Variants in ATAD1 observed in about 807,000 individuals in gnomAD.
ATAD1 encodes the protein outer mitochondrial transmembrane helix translocase.
ATAD1 carries 18 observed loss-of-function variants against 42.7 expected under a neutral mutation model. That is an observed-to-expected ratio of 0.42 (90% CI 0.29 to 0.63). The LOEUF is 0.63. Among genes scored for constraint, ATAD1 ranks in the 20% least tolerant of loss-of-function variants. The pLI is 0.19. For synonymous variants in ATAD1, 132 were observed against 143.1 expected (o/e 0.92, Z 0.55); for missense variants, 294 against 440.4 (o/e 0.67, Z 2.98).
chr10:87,786,517 C>T (rs906231482), intron 4 of ATAD1, among the ~76,000 whole-genome samples: 2 of 151,914 alleles, frequency 1.3e-5, no homozygotes, highest in Non-Finnish European at 2.9e-5. Flanking sequence ...GTCTGGAGTG[C>T]CTAAAGATTC....
intron 8 of ATAD1, among the ~76,000 whole-genome samples, chr10:87,765,768 G>A (rs553451495): frequency 3.5e-4 from 53 of 152,246 alleles, no homozygotes; most frequent in Non-Finnish European, 7.1e-4. Context: ...GGTGGTTCAT[G>A]CCTATAATTC....
Position 87,752,187 on chromosome 10 carries a change from T to C in ATAD1, c.*2500A>G, listed in dbSNP as rs1309249283. On this transcript the variant is annotated 3_prime_UTR_variant, in exon 10 of 10. Coordinates refer to ENST00000680024, the MANE Select transcript of ATAD1 (RefSeq NM_001321967.2). ...ATTCAAATACTTCATTTCTAAACTC[T>C]ACAAAAAAGGCCTGAGAATAGCTTG... The C allele has an allele frequency of 8.1e-6, 1 of 123,196 alleles. No individual in the cohort carries two copies. The allele number at this position is 123,196 out of a possible 1,614,324, so 7.6% of individuals were successfully genotyped here.
chr10:87,839,720 C>T (rs750566983), intron 1 of ATAD1, among the ~76,000 whole-genome samples: 49 of 152,206 alleles, frequency 3.2e-4, no homozygotes, highest in Non-Finnish European at 6.5e-4. Flanking sequence ...CCCGCCGCCC[C>T]CAGTAATCTT....
At chr10:87,788,332 TG>T (rs1275745944) in intron 4 of ATAD1, among the ~76,000 whole-genome samples, 2 of 152,158 alleles carry the variant, frequency 1.3e-5, no homozygotes, top group Non-Finnish European at 2.9e-5. Flanking sequence ...AGTCCCAAAA[TG>T]GAACAAACAA....
chr10:87,837,807 G>T (rs773470333), intron 1 of ATAD1, among the ~76,000 whole-genome samples: 1 of 152,114 alleles, frequency 6.6e-6, no homozygotes, highest in African/African-American at 2.4e-5. Flanking sequence ...ATGGAAGAAG[G>T]TTCCCCTCCC....
At chr10:87,818,124 A>G in intron 1 of ATAD1, 43 bp downstream of exon 1, 1 of 985,586 alleles carries the variant, frequency 1.0e-6, no homozygotes, top group East Asian at 1.1e-4. Context: ...TCAGAAGGAT[A>G]CGACAACCAT....
intron 2 of ATAD1, among the ~76,000 whole-genome samples, chr10:87,794,106 G>A (rs903987016): frequency 4.6e-5 from 7 of 152,096 alleles, no homozygotes; most frequent in African/African-American, 1.7e-4. Flanking sequence ...TGTAGTCCTA[G>A]ATACTCTGGA....
intron 1 of ATAD1, among the ~76,000 whole-genome samples, chr10:87,815,684 A>G (rs12355559): frequency 1.8e-3 from 273 of 152,092 alleles, no homozygotes; most frequent in Non-Finnish European, 3.5e-3. Context: ...TCCTCCCTCT[A>G]GAATAGCTCC....
intron 1 of ATAD1, among the ~76,000 whole-genome samples, chr10:87,830,783 A>G (rs1414326001): frequency 6.6e-6 from 1 of 152,198 alleles, no homozygotes; most frequent in East Asian, 1.9e-4. Flanking sequence ...CACTTCCCTC[A>G]TAGAAGTAAC....
At chr10:87,806,838 G>C (rs889708285) in intron 2 of ATAD1, among the ~76,000 whole-genome samples, 1 of 152,062 alleles carries the variant, frequency 6.6e-6, no homozygotes, top group Non-Finnish European at 1.5e-5. Context: ...TTCTCTTTAC[G>C]AGGAAGGACG....
In ATAD1 at chr10:87,776,545, T is replaced by C. The variant is rs976178273; in HGVS notation, c.584-118A>G. 9.9e-5 allele frequency: 69 copies of C among 696,788 alleles called. No homozygotes were observed. In the African/African-American group the frequency reaches 1.1e-3, roughly 11 times the overall value. The allele number at this position is 696,788 out of a possible 1,614,324, so 43.2% of individuals were successfully genotyped here. ...GTGCAATGGCGCAATTACAGCACAT[T>C]GCAACCTCGAACTCCCAGGCTTAAG... On this transcript the variant is annotated intron_variant, in intron 5 of 9. Transcript: ENST00000680024.
chr10:87,809,935 C>T (rs1485147245), intron 2 of ATAD1, among the ~76,000 whole-genome samples: 9 of 152,114 alleles, frequency 5.9e-5, no homozygotes, highest in Non-Finnish European at 1.2e-4. Flanking sequence ...TGTAAGCCAC[C>T]GTGCCCGGCC....
chr10:87,754,633 T>G lies in ATAD1; in HGVS notation c.*54A>C. 6.4e-7 allele frequency: 1 copy of G among 1,555,188 alleles called. No individual in the cohort carries two copies. Among genetic ancestry groups the G allele is most frequent in the African/African-American group, 1.4e-5 (1 of 73,850 alleles). On this transcript the variant is annotated 3_prime_UTR_variant, in exon 10 of 10. Transcript: ENST00000680024. ...CTCTTTCCGTTCTATTTCCACTAAC[T>G]GATAAGAGGACACACCAAACTAGAT...
Position 87,753,434 on chromosome 10 carries a change from T to C in ATAD1, c.*1253A>G, listed in dbSNP as rs963970798. 1 of 152,314 alleles carries C rather than the reference T, an allele frequency of 6.6e-6. No individual in the cohort carries two copies. Among genetic ancestry groups the C allele is most frequent in the Non-Finnish European group, 1.5e-5 (1 of 68,006 alleles). The allele number at this position is 152,314 out of a possible 1,614,324, so 9.4% of individuals were successfully genotyped here. A position where few individuals can be genotyped will look rare whatever the true frequency, so the allele number is the denominator to read the frequency against. On this transcript the variant is annotated 3_prime_UTR_variant, in exon 10 of 10. Coordinates refer to ENST00000680024, the MANE Select transcript of ATAD1 (RefSeq NM_001321967.2). ...AAAACATATGAAGCATAATTTAATC[T>C]GATGATTCAGAAGGCACCTCAAGAT...
chr10:87,819,263 C>CAAAAAAAAAAAAAAAA (rs57941047), upstream of ATAD1: 17 of 53,716 alleles, frequency 3.2e-4, no homozygotes, highest in African/African-American at 1.1e-3. Context: ...ATCGTCTCTA[C>CAAAAAAAAAAAAAAAA]AAAAAAAAAA....
intron 1 of ATAD1, chr10:87,832,938 C>A (rs955427457): frequency 4.6e-5 from 7 of 152,114 alleles, no homozygotes; most frequent in African/African-American, 1.7e-4. Context: ...GCTGGTCCAC[C>A]CCTCCTTAGA....
intron 5 of ATAD1, 72 bp from the exon 6 acceptor site, chr10:87,776,499 C>CAAAAA: frequency 8.0e-7 from 1 of 1,251,548 alleles, no homozygotes; most frequent in Non-Finnish European, 1.2e-6. Context: ...GACAGGGTCT[C>CAAAAA]ACTCTGTTGC....
At chr10:87,789,604 C>T (rs993249983) in intron 4 of ATAD1, among the ~76,000 whole-genome samples, 1 of 152,088 alleles carries the variant, frequency 6.6e-6, no homozygotes, top group Non-Finnish European at 1.5e-5. Context: ...TGCCTGTGGT[C>T]CCAGCTACTC....
chr10:87,782,275 T>C (rs531961117), intron 5 of ATAD1, among the ~76,000 whole-genome samples: 3 of 152,294 alleles, frequency 2.0e-5, no homozygotes, highest in South Asian at 2.1e-4. Context: ...AGAGAGAAAG[T>C]AGAATTAACA....
Sources: allele counts gnomAD v4.1 joint callset (sites outside exome capture counted in the v4.1 genomes callset), GRCh38; gene constraint gnomAD v4.1.1; transcripts MANE v1.5; gene names NCBI Gene and HGNC (gene_info 2026-07-23, HGNC 2026-07-21).